The following NEAT1 variants were observed in gnomAD, a reference collection of about 807,000 sequenced individuals.
NEAT1 encodes the protein MENepsilon/beta.
exon 1 of NEAT1, chr11:65,424,862 G>C (rs955450900): frequency 6.6e-6 from 1 of 152,204 alleles, no homozygotes; most frequent in Non-Finnish European, 1.5e-5. Context: ...AGAGGACCCT[G>C]AGGTGGGAGT....
exon 1 of NEAT1, chr11:65,426,442 A>T (rs750971826): frequency 2.6e-5 from 4 of 152,210 alleles, no homozygotes; most frequent in Non-Finnish European, 5.9e-5. Flanking sequence ...GTATGGTAAG[A>T]ACTAATTCTG....
exon 1 of NEAT1, chr11:65,433,898 GTAA>G (rs1043059867): frequency 6.6e-6 from 1 of 151,784 alleles, no homozygotes; most frequent in African/African-American, 2.4e-5. Context: ...CTAGGCCAAG[GTAA>G]TAATCATCCT....
chr11:65,436,308 G>C (rs964545940), exon 1 of NEAT1: 2 of 152,258 alleles, frequency 1.3e-5, no homozygotes, highest in Admixed American at 1.3e-4. Context: ...CTTCTGTCAA[G>C]GTGACAACTG....
At chr11:65,434,341 T>G (rs1856638909) in exon 1 of NEAT1, 1 of 152,058 alleles carries the variant, frequency 6.6e-6, no homozygotes, top group Non-Finnish European at 1.5e-5. Context: ...GTTACCAGTT[T>G]GCTGTGTTTC....
At chr11:65,443,834 T>A (rs1009983321) in exon 1 of NEAT1, 1 of 152,974 alleles carries the variant, frequency 6.5e-6, no homozygotes, top group African/African-American at 2.4e-5. Flanking sequence ...ATTGGCTGAG[T>A]GCAGTGGTTC....
exon 1 of NEAT1, chr11:65,423,627 G>A (rs1025868887): frequency 6.6e-6 from 1 of 152,316 alleles, no homozygotes; most frequent in African/African-American, 2.4e-5. Context: ...TATTTTCCAG[G>A]TGGCAGTGCT....
At chr11:65,433,022 AAC>A (rs1491079869) in exon 1 of NEAT1, 4 of 151,836 alleles carry the variant, frequency 2.6e-5, no homozygotes, top group African/African-American at 9.7e-5. Flanking sequence ...AAAAAAAAAA[AAC>A]CACAAACATT....
chr11:65,432,648 T>C (rs1590672987), exon 1 of NEAT1: 1 of 151,720 alleles, frequency 6.6e-6, no homozygotes, highest in East Asian at 1.9e-4. Context: ...TAACTTCTTA[T>C]AATTTTCTTT....
At chr11:65,433,325 A>C (rs1030867485) in exon 1 of NEAT1, 2 of 152,186 alleles carry the variant, frequency 1.3e-5, no homozygotes, top group African/African-American at 4.8e-5. Context: ...AATGATCATC[A>C]CTTTTCATTA....
At chr11:65,443,388 G>C (rs768389523) in exon 1 of NEAT1, 1 of 152,244 alleles carries the variant, frequency 6.6e-6, no homozygotes, top group African/African-American at 2.4e-5. Flanking sequence ...GTTTGCACTG[G>C]ACTTAAATAT....
exon 1 of NEAT1, chr11:65,438,460 G>A (rs569055819): frequency 6.6e-6 from 1 of 151,984 alleles, no homozygotes; most frequent in South Asian, 2.1e-4. Context: ...TGCAACCATC[G>A]ACACTATCCA....
At chr11:65,443,130 G>A (rs1449839824) in exon 1 of NEAT1, 1 of 152,142 alleles carries the variant, frequency 6.6e-6, no homozygotes, top group East Asian at 1.9e-4. Context: ...GGTCAAATCC[G>A]ATCTGCCATA....
At chr11:65,444,386 A>G in exon 1 of NEAT1, 1 of 459,002 alleles carries the variant, frequency 2.2e-6, no homozygotes, top group Non-Finnish European at 4.5e-6. Flanking sequence ...GATGAGTAGA[A>G]GGCACCCAGC....
At chr11:65,423,134 G>C (rs1856516358) in exon 1 of NEAT1, 1 of 153,398 alleles carries the variant, frequency 6.5e-6, no homozygotes, top group East Asian at 1.9e-4. Context: ...CTGTGTGGAA[G>C]GAGGAAGGCA....
chr11:65,433,593 T>C (rs1475648635), exon 1 of NEAT1: 7 of 152,162 alleles, frequency 4.6e-5, no homozygotes, highest in Non-Finnish European at 8.8e-5. Context: ...TCCTCTCCAC[T>C]TAAATTAATT....
At chr11:65,431,482 CTG>C (rs1243483048) in exon 1 of NEAT1, 1 of 152,190 alleles carries the variant, frequency 6.6e-6, no homozygotes, top group Non-Finnish European at 1.5e-5. Flanking sequence ...TGAGGAACCA[CTG>C]TAGTTTTTCA....
At chr11:65,425,547 G>T (rs1423119562) in exon 1 of NEAT1, 3 of 152,144 alleles carry the variant, frequency 2.0e-5, no homozygotes, top group Non-Finnish European at 4.4e-5. Flanking sequence ...ATTTTTTCAG[G>T]AGCTGGAAGT....
At chr11:65,424,025 G>C (rs1032347568) in exon 1 of NEAT1, 1 of 152,396 alleles carries the variant, frequency 6.6e-6, no homozygotes, top group African/African-American at 2.4e-5. Context: ...GTGAGTCCTA[G>C]CATTGCAGGA....
rs201951584 is a variant in NEAT1, at chr11:65,445,415, TGGGA to T, written n.22633_22636del. 765 of 144,152 alleles carry T rather than the reference TGGGA, an allele frequency of 5.3e-3. 5 individuals are homozygous for T. The highest frequency in any genetic ancestry group is 0.018 in the African/African-American group (733 of 40,138). 8.9% of individuals were successfully genotyped at this position (144,152 alleles called of 1,614,324 possible). A position where few individuals can be genotyped will look rare whatever the true frequency, so the allele number is the denominator to read the frequency against. On this transcript the variant is annotated non_coding_transcript_exon_variant, in exon 1 of 1. Transcript: ENST00000501122. Reference sequence around the variant, plus strand: ...AAGTAAGGAAGGTAGGAGGTGAGCCTGGGAGGGAGGGAGGGAGGCGCGGAGCCGC... The same window carrying T: ...AAGTAAGGAAGGTAGGAGGTGAGCCTGGGAGGGAGGGAGGCGCGGAGCCGC...
Sources: allele counts gnomAD v4.1 joint callset, GRCh38; gene constraint gnomAD v4.1.1; transcripts MANE v1.5; gene names NCBI Gene and HGNC (gene_info 2026-07-23, HGNC 2026-07-21).